Variants in SUGT1 observed in about 807,000 individuals in gnomAD.
The protein encoded by SUGT1 is SGT1 assembly cochaperone of MIS12 kinetochore complex, also known as protein SGT1 homolog.
Under a neutral mutation model 56.1 loss-of-function variants are expected in SUGT1, and 15 were observed. The ratio of observed to expected loss-of-function variants is 0.27; its 90% CI spans 0.18 to 0.41. The LOEUF (loss-of-function observed/expected upper bound fraction) is 0.41, where lower values mean the gene tolerates loss of function less well. SUGT1 is among the 10% of genes least tolerant of loss of function. The pLI, the probability that SUGT1 is intolerant of heterozygous loss-of-function variation, is 1.00. For missense variants in SUGT1, 347 were observed against 382.2 expected, an observed-to-expected ratio of 0.91 and a Z score of 0.77; for synonymous variants, 123 against 128.6, an observed-to-expected ratio of 0.96 and a Z score of 0.30.
rs1465834531 is a variant in SUGT1, at chr13:52,698,416, T to C, written c.*10581T>C. ...TGTAACTCACTCAGATCGTTGGTGA[T>C]AGACTCTCTCTTAAAACTTATTTAT... is the stretch of plus-strand genomic sequence containing the variant. On this transcript the variant is annotated 3_prime_UTR_variant, in exon 13 of 13. Coordinates refer to ENST00000310528, the MANE Select transcript of SUGT1 (RefSeq NM_006704.5). 1.3e-5 allele frequency: 2 copies of C among 151,492 alleles called. No homozygotes were observed. Among genetic ancestry groups the C allele is most frequent in the Non-Finnish European group, 2.9e-5 (2 of 67,930 alleles). The allele number at this position is 151,492 out of a possible 1,614,324, so 9.4% of individuals were successfully genotyped here. A position where few individuals can be genotyped will look rare whatever the true frequency, so the allele number is the denominator to read the frequency against.
intron 2 of SUGT1, among the ~76,000 whole-genome samples, chr13:52,653,735 A>C (rs1962029821): frequency 6.6e-6 from 1 of 152,224 alleles, no homozygotes; most frequent in South Asian, 2.1e-4. Context: ...GGAATGTAAA[A>C]GATCAAGAGT....
intron 7 of SUGT1, 80 bp downstream of exon 7, chr13:52,663,192 A>G (rs1466514217): frequency 2.8e-6 from 4 of 1,412,930 alleles, no homozygotes; most frequent in African/African-American, 1.4e-5. Flanking sequence ...AAGACTCAGG[A>G]TGAGCTGTCT....
At chr13:52,657,388 G>A (rs6561675) in intron 2 of SUGT1, 144 bp from the exon 3 acceptor site, 400,358 of 738,400 alleles carry the variant, frequency 0.54, 110,257 homozygotes, top group East Asian at 0.77. Context: ...CCTTTTATAA[G>A]GAAAAACTCC....
intron 12 of SUGT1, 79 bp downstream of exon 12, chr13:52,680,234 C>A: frequency 1.5e-6 from 2 of 1,357,630 alleles, no homozygotes; most frequent in Non-Finnish European, 2.0e-6. Flanking sequence ...AATGTGAGAC[C>A]AAATTGCGTG....
chr13:52,665,778 C>G, intron 9 of SUGT1, 45 bp downstream of exon 9: 7 of 1,318,574 alleles, frequency 5.3e-6, no homozygotes, highest in Non-Finnish European at 7.5e-6. Context: ...CTATTATTTG[C>G]AAATTTAGTA....
Position 52,667,965 on chromosome 13 carries a change from A to G in SUGT1, c.627+1046A>G, listed in dbSNP as rs367967250. On this transcript the variant is annotated intron_variant, in intron 10 of 12. Transcript: ENST00000310528. ...TAAATGATGTAGGTAGGCTTTTTCC[A>G]TTACTACTTTTTTTTTTTTTCCTTG... Among the ~76,000 whole-genome samples the G allele has an allele frequency of 2.5e-4, 37 of 150,346 alleles. 1 individual carries two copies. In the East Asian group the frequency reaches 3.7e-3, roughly 15 times the overall value.
rs569723080 is a variant in SUGT1, at chr13:52,694,558, T to G, written c.*6723T>G. 2.6e-5 allele frequency: 4 copies of G among 152,346 alleles called. No individual in the cohort carries two copies. Among genetic ancestry groups the G allele is most frequent in the African/African-American group, 9.6e-5 (4 of 41,592 alleles). 9.4% of individuals were successfully genotyped at this position (152,346 alleles called of 1,614,324 possible). ...AAGTTCTCTGGTTTTCATTTCAATT[T>G]CAAAGCTCAAAACAGAAGGTAAAAC... is the stretch of plus-strand genomic sequence containing the variant. On this transcript the variant is annotated 3_prime_UTR_variant, in exon 13 of 13. Coordinates refer to ENST00000310528, the MANE Select transcript of SUGT1 (RefSeq NM_006704.5).
At chr13:52,657,764 TGAGCAAC>T in intron 3 of SUGT1, 142 bp downstream of exon 3, 1 of 706,784 alleles carries the variant, frequency 1.4e-6, no homozygotes, top group South Asian at 2.0e-5. Context: ...ACAGACATGT[TGAGCAAC>T]ACCCATTTAA....
At chr13:52,678,020 C>G (rs922087122) in intron 11 of SUGT1, among the ~76,000 whole-genome samples, 1 of 152,116 alleles carries the variant, frequency 6.6e-6, no homozygotes, top group African/African-American at 2.4e-5. Flanking sequence ...CTGTGTATTG[C>G]AAGCTGGAGA....
Position 52,694,821 on chromosome 13 carries a change from T to G in SUGT1, c.*6986T>G, listed in dbSNP as rs542498431. On this transcript the variant is annotated 3_prime_UTR_variant, in exon 13 of 13. Transcript: ENST00000310528. ...CTCATGCCTCAGCCTCCCAAGTAGC[T>G]GGGACTACAGGCGTCCGCCACCATG... 1 of 152,462 alleles carries G rather than the reference T, an allele frequency of 6.6e-6. No individual in the cohort carries two copies. The highest frequency in any genetic ancestry group is 2.1e-4 in the South Asian group (1 of 4,828). The allele number at this position is 152,462 out of a possible 1,614,324, so 9.4% of individuals were successfully genotyped here. A position where few individuals can be genotyped will look rare whatever the true frequency, so the allele number is the denominator to read the frequency against.
intron 7 of SUGT1, among the ~76,000 whole-genome samples, 167 bp downstream of exon 7, chr13:52,663,279 A>G (rs553628440): frequency 1.3e-5 from 2 of 152,328 alleles, no homozygotes; most frequent in African/African-American, 4.8e-5. Flanking sequence ...TTTGATAAAT[A>G]TAGAAGTTTC....
intron 12 of SUGT1, among the ~76,000 whole-genome samples, chr13:52,684,036 A>G (rs1179332951): frequency 1.3e-5 from 2 of 151,898 alleles, no homozygotes; most frequent in African/African-American, 4.8e-5. Flanking sequence ...ATGTGCCGTC[A>G]CATCCAACTA....
chr13:52,672,192 C>T (rs969919138), intron 10 of SUGT1, among the ~76,000 whole-genome samples: 6 of 152,162 alleles, frequency 3.9e-5, no homozygotes, highest in Non-Finnish European at 7.3e-5. Context: ...CTCAGACTCA[C>T]CACTCAGATG....
intron 12 of SUGT1, among the ~76,000 whole-genome samples, chr13:52,682,421 G>C (rs564357611): frequency 1.3e-5 from 2 of 152,142 alleles, no homozygotes; most frequent in South Asian, 4.2e-4. Context: ...GGGTGGTCTC[G>C]AACTTCTGAC....
chr13:52,659,808 ATATATATTTTTTTTTTTTTTTTTTT>A (rs1962342744), intron 5 of SUGT1, among the ~76,000 whole-genome samples: 1 of 17,998 alleles, frequency 5.6e-5, no homozygotes, highest in Non-Finnish European at 1.1e-4. Context: ...ATATATATAT[ATATATATTTTTTTTTTTTTTTTTTT>A]TTTTTTTTTT....
At chr13:52,665,606 G>A (rs1201282431) in intron 8 of SUGT1, 31 bp from the exon 9 acceptor site, 1 of 1,479,148 alleles carries the variant, frequency 6.8e-7, no homozygotes, top group Non-Finnish European at 9.1e-7. Flanking sequence ...AATTAGAAGA[G>A]TTACCTAAGT....
intron 12 of SUGT1, among the ~76,000 whole-genome samples, chr13:52,681,921 A>ACTG (rs1963392546): frequency 2.5e-4 from 1 of 4,074 alleles, no homozygotes; most frequent in Non-Finnish European, 4.7e-4. Context: ...TGGCCATACT[A>ACTG]ACCCCACCCC....
At chr13:52,673,242 CT>C (rs199630700) in intron 10 of SUGT1, among the ~76,000 whole-genome samples, 12 of 19,102 alleles carry the variant, frequency 6.3e-4, no homozygotes, top group African/African-American at 8.6e-4. Context: ...CCTTCTTTTA[CT>C]TTTTTTTTTT....
chr13:52,696,269 C>G lies in SUGT1; in HGVS notation c.*8434C>G, dbSNP rs1963927516. 1 of 152,206 alleles carries G rather than the reference C, an allele frequency of 6.6e-6. No individual in the cohort carries two copies. The highest frequency in any genetic ancestry group is 2.1e-4 in the South Asian group (1 of 4,816). 9.4% of individuals were successfully genotyped at this position (152,206 alleles called of 1,614,324 possible). Reference sequence around the variant, plus strand: ...TTTTCTTCCATTCATTCTATGAGATCTCAATTAAAATGTCAGTACTCTTGT... The same window carrying G: ...TTTTCTTCCATTCATTCTATGAGATGTCAATTAAAATGTCAGTACTCTTGT... On this transcript the variant is annotated 3_prime_UTR_variant, in exon 13 of 13. Coordinates refer to ENST00000310528, the MANE Select transcript of SUGT1 (RefSeq NM_006704.5).
Sources: gnomAD v4.1 joint callset for allele counts (sites outside exome capture counted in the v4.1 genomes callset) on GRCh38, gnomAD v4.1.1 for gene constraint, MANE v1.5 for transcripts, NCBI Gene and HGNC (gene_info 2026-07-23, HGNC 2026-07-21) for gene names.